Variants in EPS15L1 observed in about 807,000 individuals in gnomAD.
EPS15L1 encodes the protein epidermal growth factor receptor pathway substrate 15 like 1, also known as epidermal growth factor receptor substrate 15-like 1.
EPS15L1 carries 43 observed loss-of-function variants against 117.1 expected under a neutral mutation model. The ratio of observed to expected loss-of-function variants is 0.37; its 90% CI spans 0.29 to 0.47. The LOEUF (loss-of-function observed/expected upper bound fraction) is 0.47, where lower values mean the gene tolerates loss of function less well. Ranked by LOEUF, EPS15L1 falls within the 20% of genes least tolerant of loss-of-function variation. The probability of loss-of-function intolerance (pLI) is 0.99; values close to 1 mark genes in which losing one functional copy is unlikely to be tolerated. For synonymous variants in EPS15L1, 459 were observed against 470.5 expected (o/e 0.98, Z 0.32); for missense variants, 981 against 1,164.0 (o/e 0.84, Z 2.29).
chr19:16,417,394 T>C lies in EPS15L1; in HGVS notation c.1193+158A>G, dbSNP rs913070029. ...TGGAAGATGTCATTCTTCAAGCCCC[T>C]TGAGCCAGTTTAGGACCTCAGAAGC... is the stretch of plus-strand genomic sequence containing the variant. On this transcript the variant is annotated intron_variant, in intron 12 of 23. Transcript: ENST00000455140. 3 of 649,152 alleles carry C rather than the reference T, an allele frequency of 4.6e-6. No homozygotes were observed. In the Admixed American group the frequency reaches 7.5e-5, roughly 16 times the overall value. 40.2% of individuals were successfully genotyped at this position (649,152 alleles called of 1,614,324 possible). A position where few individuals can be genotyped will look rare whatever the true frequency, so the allele number is the denominator to read the frequency against.
Position 16,452,443 on chromosome 19 carries a change from T to C in EPS15L1, c.34-10224A>G, listed in dbSNP as rs559801619. Among the ~76,000 whole-genome samples the C allele has an allele frequency of 2.8e-5, 4 of 143,240 alleles. No homozygotes were observed. The South Asian group carries it at 6.7e-4, about 24-fold the overall frequency. 94.0% of individuals were successfully genotyped at this position (143,240 alleles called of 152,430 possible). ...CCTGGGCAACAGGAGTGAAATTCCATCTCGAAAAAAAAAAAAAAACACAAG... is the reference window on the plus strand; with the variant it reads ...CCTGGGCAACAGGAGTGAAATTCCACCTCGAAAAAAAAAAAAAAACACAAG... On this transcript the variant is annotated intron_variant, in intron 1 of 23. Transcript: ENST00000455140.
rs34773317 is a variant in EPS15L1 at position 16,455,312 on chromosome 19, T to TG, written c.34-13094dup. 1.8e-3 allele frequency among the ~76,000 whole-genome samples: 274 copies of TG among 151,572 alleles called. 1 individual carries two copies. The highest frequency in any genetic ancestry group is 0.014 in the East Asian group (71 of 5,128). ...TTTTTTTTCTTTTTTTTGTAAAGAT[T>TG]GGGGGGGTCTCATTATTTTGCCAGG... On this transcript the variant is annotated intron_variant, in intron 1 of 23. Coordinates refer to ENST00000455140, the MANE Select transcript of EPS15L1 (RefSeq NM_001258374.3).
chr19:16,450,477 CTTTTTTT>C (rs768287701), intron 1 of EPS15L1, among the ~76,000 whole-genome samples: 1 of 108,198 alleles, frequency 9.2e-6, no homozygotes, highest in Non-Finnish European at 1.8e-5. Flanking sequence ...TGTCCATCTT[CTTTTTTT>C]TTTTTTTTTT....
intron 1 of EPS15L1, among the ~76,000 whole-genome samples, chr19:16,451,742 G>C (rs1023409332): frequency 6.6e-6 from 1 of 150,930 alleles, no homozygotes; most frequent in African/African-American, 2.4e-5. Context: ...TGTTAGCCAG[G>C]ATGGTCTCGA....
rs995419566 is a variant in EPS15L1 at position 16,396,901 on chromosome 19, T to A, written c.1792-1434A>T. Among the ~76,000 whole-genome samples the A allele has an allele frequency of 2.0e-5, 3 of 151,626 alleles. No homozygotes were observed. In the East Asian group the frequency reaches 5.8e-4, roughly 29 times the overall value. ...CACTTCTATGAGAACCCTAGAGTCA[T>A]CACATTCACAGTGACGAAGTAGAAC... is the stretch of plus-strand genomic sequence containing the variant. On this transcript the variant is annotated intron_variant, in intron 16 of 23. Transcript: ENST00000455140.
intron 17 of EPS15L1, among the ~76,000 whole-genome samples, chr19:16,394,395 C>T (rs2092517496): frequency 1.5e-5 from 2 of 137,890 alleles, no homozygotes; most frequent in African/African-American, 2.7e-5. Context: ...ACTTTATCAC[C>T]GGCCCTGCAG....
intron 1 of EPS15L1, among the ~76,000 whole-genome samples, chr19:16,447,631 G>A (rs2093097275): frequency 6.6e-6 from 1 of 151,902 alleles, no homozygotes; most frequent in Admixed American, 6.6e-5. Context: ...ATGGTGGCAG[G>A]TGCCTGTAAT....
intron 23 of EPS15L1, among the ~76,000 whole-genome samples, chr19:16,360,134 T>C (rs767795704): frequency 2.6e-5 from 4 of 151,728 alleles, no homozygotes; most frequent in Non-Finnish European, 5.9e-5. Flanking sequence ...AATAGAATTA[T>C]GAATTTCAGA....
intron 1 of EPS15L1, among the ~76,000 whole-genome samples, chr19:16,453,510 G>C (rs887735250): frequency 6.6e-6 from 1 of 152,108 alleles, no homozygotes; most frequent in African/African-American, 2.4e-5. Context: ...TCAGGAGATC[G>C]AGACCATCCT....
chr19:16,395,692 C>G (rs1230651068), intron 16 of EPS15L1, among the ~76,000 whole-genome samples: 1 of 152,110 alleles, frequency 6.6e-6, no homozygotes, highest in Non-Finnish European at 1.5e-5. Context: ...GCCTGTAATC[C>G]CAGCACTTTG....
chr19:16,470,112 T>C (rs567010166), intron 1 of EPS15L1, among the ~76,000 whole-genome samples: 45 of 152,270 alleles, frequency 3.0e-4, no homozygotes, highest in African/African-American at 1.0e-3. Flanking sequence ...CCAGGCGCAG[T>C]GGCTAACGCC....
intron 21 of EPS15L1, among the ~76,000 whole-genome samples, chr19:16,379,291 G>A (rs917704989): frequency 3.3e-5 from 5 of 152,078 alleles, no homozygotes; most frequent in African/African-American, 4.8e-5. Flanking sequence ...GCAACAGAGC[G>A]AGACTCCATC....
intron 1 of EPS15L1, among the ~76,000 whole-genome samples, chr19:16,445,168 A>G (rs1254743868): frequency 1.3e-5 from 2 of 152,222 alleles, no homozygotes; most frequent in African/African-American, 4.8e-5. Flanking sequence ...ATGAGCAACA[A>G]GATCCGCAAC....
chr19:16,449,285 C>T (rs1472930297), intron 1 of EPS15L1, among the ~76,000 whole-genome samples: 4 of 151,422 alleles, frequency 2.6e-5, no homozygotes, highest in South Asian at 4.2e-4. Context: ...CAAAAAAACA[C>T]GAAGAAGAAA....
intron 4 of EPS15L1, among the ~76,000 whole-genome samples, chr19:16,439,261 C>T (rs2093006872): frequency 6.6e-6 from 1 of 151,944 alleles, no homozygotes; most frequent in Non-Finnish European, 1.5e-5. Context: ...GGGGACCTTT[C>T]ATCCCTGCAA....
intron 7 of EPS15L1, among the ~76,000 whole-genome samples, chr19:16,431,223 C>A (rs1014502859): frequency 6.9e-6 from 1 of 145,196 alleles, no homozygotes; most frequent in Admixed American, 6.9e-5. Context: ...TCGGTGACAG[C>A]GAGACTTCAT....
intron 22 of EPS15L1, among the ~76,000 whole-genome samples, chr19:16,373,899 C>T (rs1568396192): frequency 6.6e-6 from 1 of 152,234 alleles, no homozygotes; most frequent in Non-Finnish European, 1.5e-5. Context: ...GCAACCACCA[C>T]ACGGTCTGTA....
At chr19:16,472,010 A>C (rs2093351378), upstream of EPS15L1, 2 of 1,206,208 alleles carry the variant, frequency 1.7e-6, no homozygotes, top group Non-Finnish European at 2.1e-6. Flanking sequence ...ACGCGTGCGC[A>C]CTGGGACGAC....
At chr19:16,436,889 A>G (rs1248116546) in intron 6 of EPS15L1, 48 bp downstream of exon 6, 9 of 1,434,458 alleles carry the variant, frequency 6.3e-6, no homozygotes, top group Non-Finnish European at 7.8e-6. Context: ...TGCTGGAACA[A>G]TTCTATCTGA....
Sources: allele counts gnomAD v4.1 joint callset (sites outside exome capture counted in the v4.1 genomes callset), GRCh38; gene constraint gnomAD v4.1.1; transcripts MANE v1.5; gene names NCBI Gene and HGNC (gene_info 2026-07-23, HGNC 2026-07-21).